The following RUVBL1 variants were observed in gnomAD, a reference collection of about 807,000 sequenced individuals.
RUVBL1 encodes the protein RuvB like AAA ATPase 1.
In RUVBL1, 4 loss-of-function variants were observed where a neutral mutation model predicts 52.4. The observed-to-expected ratio is 0.08, with a 90% CI of 0.04 to 0.17. The LOEUF is 0.17. RUVBL1 is among the 10% of genes least tolerant of loss of function. The probability of loss-of-function intolerance (pLI) is 1.00; values close to 1 mark genes in which losing one functional copy is unlikely to be tolerated. For synonymous variants in RUVBL1, 217 were observed against 214.4 expected, an observed-to-expected ratio of 1.01 and a Z score of -0.10; for missense variants, 298 against 572.8, an observed-to-expected ratio of 0.52 and a Z score of 4.90.
Position 128,100,499 on chromosome 3 carries a change from C to G in RUVBL1, c.753+96G>C, listed in dbSNP as rs1422947209. On this transcript the variant is annotated intron_variant, in intron 6 of 10. Coordinates refer to ENST00000322623, the MANE Select transcript of RUVBL1 (RefSeq NM_003707.3). ...ACAGATAGAAAAGGACCGTCTACCT[C>G]AAGAAAGGCAGCAAGACTCTGACAA... 2.1e-6 allele frequency: 3 copies of G among 1,447,404 alleles called. No homozygotes were observed. The African/African-American group carries it at 4.3e-5, about 21-fold the overall frequency. 89.7% of individuals were successfully genotyped at this position (1,447,404 alleles called of 1,614,324 possible).
At chr3:128,129,424 A>C (rs1943843002) in intron 1 of RUVBL1, among the ~76,000 whole-genome samples, 1 of 152,190 alleles carries the variant, frequency 6.6e-6, no homozygotes, top group African/African-American at 2.4e-5. Flanking sequence ...TTAAGAGAGA[A>C]GTTTATAGCT....
chr3:128,135,533 A>G (rs986255845), intron 1 of RUVBL1, among the ~76,000 whole-genome samples: 2 of 152,252 alleles, frequency 1.3e-5, no homozygotes, highest in African/African-American at 4.8e-5. Context: ...ACTCCATCTC[A>G]AAATAAGTAA....
intron 1 of RUVBL1, among the ~76,000 whole-genome samples, chr3:128,129,939 T>C (rs528366814): frequency 1.1e-4 from 17 of 152,146 alleles, no homozygotes; most frequent in Non-Finnish European, 1.8e-4. Context: ...TGGATGATAG[T>C]GATGGTTGCA....
intron 8 of RUVBL1, among the ~76,000 whole-genome samples, chr3:128,097,040 C>T (rs183254064): frequency 6.6e-6 from 1 of 152,304 alleles, no homozygotes; most frequent in East Asian, 1.9e-4. Context: ...CCTTTGTACA[C>T]TCCAATTGAA....
intron 8 of RUVBL1, among the ~76,000 whole-genome samples, chr3:128,096,477 A>G (rs940060): frequency 0.94 from 143,840 of 152,226 alleles, 68,105 homozygotes; most frequent in Middle Eastern, 1. Context: ...GGGATGGGAA[A>G]GAGTGGAGCG....
intron 1 of RUVBL1, among the ~76,000 whole-genome samples, chr3:128,130,720 G>A (rs960840947): frequency 5.9e-5 from 9 of 151,342 alleles, no homozygotes; most frequent in African/African-American, 1.7e-4. Flanking sequence ...GCGCGATCTC[G>A]GCTCACTGCA....
chr3:128,152,549 T>C (rs1479599623), intron 1 of RUVBL1, among the ~76,000 whole-genome samples: 2 of 152,168 alleles, frequency 1.3e-5, no homozygotes, highest in African/African-American at 4.8e-5. Flanking sequence ...GGCTGTATTG[T>C]TTGACTTAGC....
intron 1 of RUVBL1, among the ~76,000 whole-genome samples, chr3:128,148,088 G>C (rs1050875982): frequency 6.6e-6 from 1 of 151,814 alleles, no homozygotes; most frequent in East Asian, 1.9e-4. Flanking sequence ...TCTGCCAGAG[G>C]TTAAAGGTGT....
At chr3:128,110,125 G>A (rs60387553) in intron 3 of RUVBL1, among the ~76,000 whole-genome samples, 22,256 of 151,964 alleles carry the variant, frequency 0.15, 1,887 homozygotes, top group African/African-American at 0.23. Context: ...CCTACATACA[G>A]TTTTTAAAAA....
chr3:128,106,353 G>A (rs370943800), intron 3 of RUVBL1, among the ~76,000 whole-genome samples: 21 of 152,218 alleles, frequency 1.4e-4, no homozygotes, highest in African/African-American at 4.6e-4. Flanking sequence ...CTTTTAGAAC[G>A]TGATCTCTAT....
intron 1 of RUVBL1, among the ~76,000 whole-genome samples, chr3:128,122,069 G>A (rs753438604): frequency 6.8e-6 from 1 of 146,884 alleles, no homozygotes; most frequent in Non-Finnish European, 1.5e-5. Flanking sequence ...CTTAGGCATA[G>A]AGCATGCACT....
chr3:128,099,165 C>G (rs1000732405), intron 6 of RUVBL1, among the ~76,000 whole-genome samples: 10 of 152,178 alleles, frequency 6.6e-5, no homozygotes, highest in African/African-American at 2.4e-4. Context: ...CTCCGTGGGG[C>G]CTGCCCAGCC....
Position 128,113,926 on chromosome 3 carries a change from T to C in RUVBL1, c.229-906A>G, listed in dbSNP as rs72986270. On this transcript the variant is annotated intron_variant, in intron 2 of 10. Coordinates refer to ENST00000322623, the MANE Select transcript of RUVBL1 (RefSeq NM_003707.3). ...TGAATGGATTGTTCATTTTATGTTA[T>C]GTAGCCCACAAAGAGTGAAGAAGGA... 8.8e-4 allele frequency among the ~76,000 whole-genome samples: 134 copies of C among 152,364 alleles called. 1 individual carries two copies. Among genetic ancestry groups the C allele is most frequent in the African/African-American group, 3.1e-3 (129 of 41,586 alleles).
intron 3 of RUVBL1, among the ~76,000 whole-genome samples, chr3:128,111,360 C>T (rs559732604): frequency 1.2e-4 from 18 of 152,258 alleles, no homozygotes; most frequent in Non-Finnish European, 1.8e-4. Context: ...CCACTGTATC[C>T]CCAGGAGACG....
intron 2 of RUVBL1, among the ~76,000 whole-genome samples, chr3:128,118,843 T>G (rs1943582045): frequency 6.6e-6 from 1 of 152,234 alleles, no homozygotes; most frequent in Non-Finnish European, 1.5e-5. Flanking sequence ...ATTTCCTTTC[T>G]TTCTGCCCTG....
chr3:128,082,964 C>T lies in RUVBL1; in HGVS notation c.1120-390G>A, dbSNP rs957959129. ...CCTGCAAGGGCTCTAACCTTCCTCT[C>T]CAGCATGGGCACTACTGCCTACAAG... On this transcript the variant is annotated intron_variant, in intron 9 of 10. Transcript: ENST00000322623. This position sits in a 1 kb window ranked among gnomAD's most constrained non-coding sequence, Gnocchi z 4.7. 1.8e-5 allele frequency: 3 copies of T among 166,602 alleles called. No homozygotes were observed. Among genetic ancestry groups the T allele is most frequent in the South Asian group, 3.0e-4 (2 of 6,620 alleles). The allele number at this position is 166,602 out of a possible 1,614,324, so 10.3% of individuals were successfully genotyped here.
At chr3:128,145,887 C>T (rs1044745359) in intron 1 of RUVBL1, among the ~76,000 whole-genome samples, 7 of 152,192 alleles carry the variant, frequency 4.6e-5, no homozygotes, top group African/African-American at 7.2e-5. Context: ...TCCAGCCAAC[C>T]TGTTCCCCTC....
upstream of RUVBL1, among the ~76,000 whole-genome samples, chr3:128,126,237 T>C (rs1034031610): frequency 7.4e-5 from 11 of 148,424 alleles, no homozygotes; most frequent in Non-Finnish European, 1.2e-4. Context: ...GTGTGTGTGC[T>C]AAATAACAGT....
At chr3:128,072,180 C>T (rs986589588) in intron 9 of RUVBL1, among the ~76,000 whole-genome samples, 5 of 152,148 alleles carry the variant, frequency 3.3e-5, no homozygotes, top group African/African-American at 1.2e-4. Flanking sequence ...TCCCTTAGAA[C>T]GTGTCTAGAA....
Sources: allele counts gnomAD v4.1 joint callset (sites outside exome capture counted in the v4.1 genomes callset), GRCh38; gene constraint gnomAD v4.1.1; non-coding constraint Gnocchi (gnomAD v3.1); transcripts MANE v1.5; gene names NCBI Gene and HGNC (gene_info 2026-07-23, HGNC 2026-07-21).